Variants in TRA2B observed in about 807,000 individuals in gnomAD.
The protein encoded by TRA2B is transformer 2 beta homolog.
Under a neutral mutation model 41.7 loss-of-function variants are expected in TRA2B, and 14 were observed. That is an observed-to-expected ratio of 0.34 (90% CI 0.22 to 0.53). The LOEUF is 0.53. TRA2B is among the 20% of genes least tolerant of loss of function. The pLI, the probability that TRA2B is intolerant of heterozygous loss-of-function variation, is 0.95. For synonymous variants in TRA2B, 130 were observed against 128.8 expected (o/e 1.01, Z -0.06); for missense variants, 167 against 396.8 (o/e 0.42, Z 4.92).
chr3:185,922,713 T>G (rs1056994397), intron 4 of TRA2B: 1 of 152,222 alleles, frequency 6.6e-6, no homozygotes, highest in African/African-American at 2.4e-5. Context: ...AGCACAGCCT[T>G]AAGTACATAT....
chr3:185,932,394 G>A (rs1026329745), intron 1 of TRA2B, among the ~76,000 whole-genome samples: 5 of 152,144 alleles, frequency 3.3e-5, no homozygotes, highest in Non-Finnish European at 7.4e-5. Context: ...GACGGTGTCA[G>A]GGAACCTGAC....
chr3:185,920,515 T>C (rs1046244746), intron 6 of TRA2B, among the ~76,000 whole-genome samples: 1 of 152,180 alleles, frequency 6.6e-6, no homozygotes, highest in Non-Finnish European at 1.5e-5. Flanking sequence ...GCTCAAGCAA[T>C]TCCCCTGCCT....
intron 1 of TRA2B, 49 bp from the exon 2 acceptor site, chr3:185,926,783 T>C: frequency 1.2e-6 from 2 of 1,601,246 alleles, no homozygotes; most frequent in African/African-American, 1.3e-5. Flanking sequence ...TGGGCAACTT[T>C]AAAAACAAAT....
chr3:185,916,192 C>T lies in TRA2B; in HGVS notation c.*1523G>A, dbSNP rs181170080. 6.6e-6 allele frequency: 1 copy of T among 152,314 alleles called. No homozygotes were observed. Among genetic ancestry groups the T allele is most frequent in the African/African-American group, 2.4e-5 (1 of 41,568 alleles). 9.4% of individuals were successfully genotyped at this position (152,314 alleles called of 1,614,324 possible). Reference sequence around the variant, plus strand: ...AAGACCTGCCAATACTGCCTATGCTCCATTACTGGTATTTTCCATCACCCA... The same window carrying T: ...AAGACCTGCCAATACTGCCTATGCTTCATTACTGGTATTTTCCATCACCCA... On this transcript the variant is annotated 3_prime_UTR_variant, in exon 9 of 9. Coordinates refer to ENST00000453386, the MANE Select transcript of TRA2B (RefSeq NM_004593.3).
In TRA2B at chr3:185,921,191, T is replaced by C. The variant is rs747220454; in HGVS notation, c.639-4A>G. 9 of 1,613,860 alleles carry C rather than the reference T, an allele frequency of 5.6e-6. No homozygotes were observed. Among genetic ancestry groups the C allele is most frequent in the East Asian group, 4.5e-5 (2 of 44,872 alleles). On this transcript the variant is annotated splice_polypyrimidine_tract_variant and splice_region_variant and intron_variant, in intron 5 of 8. Coordinates refer to ENST00000453386, the MANE Select transcript of TRA2B (RefSeq NM_004593.3). ...ATCCCGACGGCGAGAGCTGCCACTA[T>C]GAAGAAAAAAATATTCAGGTGACCT...
chr3:185,927,858 T>C (rs994885518), intron 1 of TRA2B: 2 of 152,252 alleles, frequency 1.3e-5, no homozygotes, highest in African/African-American at 4.8e-5. Context: ...GTCAGTCTGA[T>C]AGCTAGGTAA....
intron 1 of TRA2B, chr3:185,927,818 T>C (rs1479634910): frequency 6.6e-6 from 1 of 152,126 alleles, no homozygotes; most frequent in Non-Finnish European, 1.5e-5. Context: ...ACCAAAACAG[T>C]AGATGAGGAA....
chr3:185,932,096 G>A (rs1744170499), intron 1 of TRA2B, among the ~76,000 whole-genome samples: 1 of 152,016 alleles, frequency 6.6e-6, no homozygotes, highest in African/African-American at 2.4e-5. Context: ...TGTGAAGTGC[G>A]CCACTGAACA....
intron 1 of TRA2B, chr3:185,936,325 T>TCCCAACTTTCTTA: frequency 1.0e-6 from 1 of 985,254 alleles, no homozygotes; most frequent in Non-Finnish European, 1.2e-6. Flanking sequence ...TTGAGCTCAA[T>TCCCAACTTTCTTA]CCCAACTTTC....
At chr3:185,926,976 T>C in intron 1 of TRA2B, 1 of 415,406 alleles carries the variant, frequency 2.4e-6, no homozygotes, top group Non-Finnish European at 4.4e-6. Context: ...TGACCCCACT[T>C]CCTTCAGAAA....
At position 185,917,835 on chromosome 3, in the gene TRA2B, A is replaced by G. The variant is rs1293590153; in HGVS notation, c.857-110T>C. ...TGCCATTAAGAAATTCCTATGTGCC[A>G]GAACCCCACCACCCCCAAATAGAGA... On this transcript the variant is annotated intron_variant, in intron 8 of 8. Coordinates refer to ENST00000453386, the MANE Select transcript of TRA2B (RefSeq NM_004593.3). 2.7e-6 allele frequency: 3 copies of G among 1,100,878 alleles called. No homozygotes were observed. In the East Asian group the frequency reaches 7.2e-5, roughly 26 times the overall value. 68.2% of individuals were successfully genotyped at this position (1,100,878 alleles called of 1,614,324 possible).
chr3:185,932,583 T>C (rs1013800238), intron 1 of TRA2B, among the ~76,000 whole-genome samples: 53 of 152,250 alleles, frequency 3.5e-4, no homozygotes, highest in African/African-American at 1.2e-3. Flanking sequence ...TTGTACATTT[T>C]CCCCCTCAAT....
intron 4 of TRA2B, chr3:185,922,717 T>A (rs1050779734): frequency 1.3e-5 from 2 of 152,210 alleles, no homozygotes; most frequent in Non-Finnish European, 2.9e-5. Flanking sequence ...CAGCCTTAAG[T>A]ACATATAGTT....
chr3:185,929,652 T>TA (rs1484906133), intron 1 of TRA2B, among the ~76,000 whole-genome samples: 1 of 152,180 alleles, frequency 6.6e-6, no homozygotes, highest in African/African-American at 2.4e-5. Context: ...CACATCTCCC[T>TA]ATTCTGAGAA....
intron 2 of TRA2B, among the ~76,000 whole-genome samples, 194 bp downstream of exon 2, chr3:185,926,407 T>C (rs1248631841): frequency 1.3e-5 from 2 of 152,098 alleles, no homozygotes. Context: ...CCAGCAAAAA[T>C]AGAAAACCCT....
intron 1 of TRA2B, chr3:185,934,951 CTTAG>C: frequency 1.0e-6 from 1 of 985,420 alleles, no homozygotes; most frequent in Non-Finnish European, 1.2e-6. Context: ...TCAGTGTCTC[CTTAG>C]TTTCTGGATT....
At chr3:185,937,227 A>C in intron 1 of TRA2B, 8 of 985,878 alleles carry the variant, frequency 8.1e-6, no homozygotes, top group Non-Finnish European at 9.6e-6. Context: ...TCGGCCTTGG[A>C]TTAGTTTCCA....
At chr3:185,917,755 T>C (rs1231262525) in intron 8 of TRA2B, 30 bp from the exon 9 acceptor site, 2 of 1,608,256 alleles carry the variant, frequency 1.2e-6, no homozygotes, top group South Asian at 1.1e-5. Flanking sequence ...CATGCTTTAA[T>C]ATTAAGTGAA....
intron 1 of TRA2B, chr3:185,928,565 A>G (rs1434978131): frequency 1.3e-5 from 2 of 152,214 alleles, no homozygotes; most frequent in Non-Finnish European, 2.9e-5. Flanking sequence ...ACAAAGGAGG[A>G]AGTCTCAAAA....
Sources: gnomAD v4.1 joint callset for allele counts (sites outside exome capture counted in the v4.1 genomes callset) on GRCh38, gnomAD v4.1.1 for gene constraint, MANE v1.5 for transcripts, NCBI Gene and HGNC (gene_info 2026-07-23, HGNC 2026-07-21) for gene names.